The following CCDC60 variants were observed in gnomAD, a reference collection of about 807,000 sequenced individuals.
The protein encoded by CCDC60 is coiled-coil domain-containing protein 60.
A neutral mutation model predicts 63.5 loss-of-function variants in CCDC60; 54 were observed. That is an observed-to-expected ratio of 0.85 (90% CI 0.68 to 1.07). The LOEUF is 1.07. Among genes scored for constraint, CCDC60 ranks in the 50% least tolerant of loss-of-function variants. The pLI, the probability that CCDC60 is intolerant of heterozygous loss-of-function variation, is 0.00. For missense variants in CCDC60, 651 were observed against 684.3 expected, an observed-to-expected ratio of 0.95 and a Z score of 0.54; for synonymous variants, 206 against 238.8, an observed-to-expected ratio of 0.86 and a Z score of 1.27.
chr12:119,430,507 A>G (rs1290278564), intron 2 of CCDC60, among the ~76,000 whole-genome samples: 1 of 151,994 alleles, frequency 6.6e-6, no homozygotes, highest in Non-Finnish European at 1.5e-5. Flanking sequence ...TCTACTAAAA[A>G]TATAAAAAAA....
Position 119,380,213 on chromosome 12 carries a change from G to T in CCDC60, c.90+44947G>T, listed in dbSNP as rs147806237. On this transcript the variant is annotated intron_variant, in intron 1 of 13. Coordinates refer to ENST00000327554, the MANE Select transcript of CCDC60 (RefSeq NM_178499.5). ...TTACATTCTTAAGAGGACAACCACA[G>T]TTGGGTGGGAACAGTCATGTGTGCT... Among the ~76,000 whole-genome samples, 30 of 152,304 alleles carry T rather than the reference G, an allele frequency of 2.0e-4. No homozygotes were observed. The East Asian group carries it at 5.8e-3, about 29-fold the overall frequency.
chr12:119,442,218 G>A (rs756792050), intron 2 of CCDC60, among the ~76,000 whole-genome samples: 2 of 152,130 alleles, frequency 1.3e-5, no homozygotes, highest in Non-Finnish European at 2.9e-5. Context: ...AAGATTATGA[G>A]CATCTTTCAC....
At chr12:119,356,499 G>A (rs1242954630) in intron 1 of CCDC60, among the ~76,000 whole-genome samples, 1 of 152,084 alleles carries the variant, frequency 6.6e-6, no homozygotes, top group African/African-American at 2.4e-5. Context: ...AATCTTTTAT[G>A]AGATTGTTCA....
chr12:119,386,261 T>C (rs1193882456), intron 1 of CCDC60, among the ~76,000 whole-genome samples: 1 of 152,184 alleles, frequency 6.6e-6, no homozygotes, highest in Non-Finnish European at 1.5e-5. Flanking sequence ...AACCTCCCTG[T>C]TCTCATTTAT....
intron 4 of CCDC60, among the ~76,000 whole-genome samples, chr12:119,483,144 G>A (rs149433870): frequency 2.0e-3 from 300 of 152,304 alleles, no homozygotes; most frequent in African/African-American, 6.9e-3. Flanking sequence ...GATACAAGAA[G>A]TATGGGGAAA....
At chr12:119,530,751 A>G in intron 12 of CCDC60, 123 bp from the exon 13 acceptor site, 1 of 741,912 alleles carries the variant, frequency 1.3e-6, no homozygotes, top group Non-Finnish European at 2.2e-6. Flanking sequence ...AGGTCCCTAG[A>G]TAAAGAATAC....
chr12:119,471,180 C>T (rs1425024778), intron 2 of CCDC60, among the ~76,000 whole-genome samples: 1 of 152,202 alleles, frequency 6.6e-6, no homozygotes, highest in Non-Finnish European at 1.5e-5. Context: ...AATGTCTTCA[C>T]ATCAAGCCAG....
chr12:119,521,447 G>A (rs1172347765), intron 9 of CCDC60, among the ~76,000 whole-genome samples: 1 of 152,236 alleles, frequency 6.6e-6, no homozygotes, highest in East Asian at 1.9e-4. Flanking sequence ...GGGGTGTTGG[G>A]TGCTAACCAA....
intron 1 of CCDC60, among the ~76,000 whole-genome samples, chr12:119,344,899 A>ACACACACACAC (rs57690037): frequency 1.1e-5 from 1 of 93,122 alleles, no homozygotes; most frequent in African/African-American, 4.1e-5. Flanking sequence ...ACACACACAC[A>ACACACACACAC]ATCTCTCCTA....
chr12:119,385,588 T>C (rs1162710198), intron 1 of CCDC60, among the ~76,000 whole-genome samples: 2 of 152,160 alleles, frequency 1.3e-5, no homozygotes, highest in East Asian at 3.9e-4. Context: ...GAACTATGAG[T>C]CCATTAAACC....
At chr12:119,530,738 G>T (rs1952818063) in intron 12 of CCDC60, 136 bp from the exon 13 acceptor site, 1 of 631,236 alleles carries the variant, frequency 1.6e-6, no homozygotes, top group East Asian at 2.6e-5. Flanking sequence ...GGTCACAGAG[G>T]AAAGGTCCCT....
intron 1 of CCDC60, among the ~76,000 whole-genome samples, chr12:119,349,776 C>T (rs1220943756): frequency 6.6e-6 from 1 of 152,160 alleles, no homozygotes; most frequent in Admixed American, 6.5e-5. Context: ...TTTGTAATGT[C>T]AGTAATCACG....
intron 12 of CCDC60, among the ~76,000 whole-genome samples, 183 bp downstream of exon 12, chr12:119,528,929 A>C (rs1952764563): frequency 6.6e-6 from 1 of 152,132 alleles, no homozygotes. Context: ...AATCAGGCCC[A>C]AAACTCCTGG....
intron 8 of CCDC60, among the ~76,000 whole-genome samples, chr12:119,518,230 A>G (rs1952407014): frequency 6.6e-6 from 1 of 152,208 alleles, no homozygotes; most frequent in Admixed American, 6.5e-5. Flanking sequence ...ACAGACAATA[A>G]TAATGAAGCA....
chr12:119,454,233 C>T (rs1286262968), intron 2 of CCDC60, among the ~76,000 whole-genome samples: 2 of 152,152 alleles, frequency 1.3e-5, no homozygotes, highest in Admixed American at 1.3e-4. Flanking sequence ...TCTTACTAAC[C>T]CTATGGTCAG....
At chr12:119,345,942 A>C (rs1955588008) in intron 1 of CCDC60, among the ~76,000 whole-genome samples, 1 of 151,506 alleles carries the variant, frequency 6.6e-6, no homozygotes, top group African/African-American at 2.4e-5. Context: ...CAGCCTCCCA[A>C]ATAGCTGGGT....
intron 1 of CCDC60, among the ~76,000 whole-genome samples, chr12:119,417,187 T>C (rs1389683973): frequency 6.6e-6 from 1 of 151,472 alleles, no homozygotes; most frequent in African/African-American, 2.4e-5. Flanking sequence ...GTGTTCTCAA[T>C]TGAGGGTGAT....
At chr12:119,372,285 T>C (rs1592998683) in intron 1 of CCDC60, among the ~76,000 whole-genome samples, 1 of 152,050 alleles carries the variant, frequency 6.6e-6, no homozygotes, top group Non-Finnish European at 1.5e-5. Flanking sequence ...GAATGGCAGG[T>C]AAGCATGATC....
chr12:119,395,728 C>T (rs1956240242), intron 1 of CCDC60, among the ~76,000 whole-genome samples: 2 of 152,202 alleles, frequency 1.3e-5, no homozygotes, highest in Non-Finnish European at 2.9e-5. Context: ...TGGCTCAAAA[C>T]AGCAGACATT....
Sources: allele counts gnomAD v4.1 joint callset (sites outside exome capture counted in the v4.1 genomes callset), GRCh38; gene constraint gnomAD v4.1.1; transcripts MANE v1.5; gene names NCBI Gene and HGNC (gene_info 2026-07-23, HGNC 2026-07-21).